Variants in CNTNAP3B observed in about 807,000 individuals in gnomAD.
CNTNAP3B encodes contactin-associated protein-like 3B.
Under a neutral mutation model 108.9 loss-of-function variants are expected in CNTNAP3B, and 25 were observed. The ratio of observed to expected loss-of-function variants is 0.23; its 90% CI spans 0.17 to 0.32. The LOEUF is 0.32. CNTNAP3B is among the 10% of genes least tolerant of loss of function. CNTNAP3B has a pLI of 1.00. For synonymous variants in CNTNAP3B, 103 were observed against 473.4 expected (o/e 0.22, Z 10.16); for missense variants, 252 against 1,210.4 (o/e 0.21, Z 11.75).
intron 3 of CNTNAP3B, among the ~76,000 whole-genome samples, chr9:42,071,383 A>G (rs1827376580): frequency 7.1e-6 from 1 of 140,412 alleles, no homozygotes; most frequent in East Asian, 2.1e-4. Context: ...AGCTAGTACA[A>G]AGGATGGATC....
intron 13 of CNTNAP3B, among the ~76,000 whole-genome samples, chr9:41,940,364 C>T (rs1824298202): frequency 6.6e-6 from 1 of 152,266 alleles, no homozygotes; most frequent in African/African-American, 2.4e-5. Flanking sequence ...TAACACATTA[C>T]CTGCCTGTAA....
chr9:42,070,445 C>G (rs1400257000), intron 3 of CNTNAP3B, among the ~76,000 whole-genome samples: 1 of 148,078 alleles, frequency 6.8e-6, no homozygotes, highest in Non-Finnish European at 1.5e-5. Flanking sequence ...TGGGCTGACA[C>G]CACACCTGGC....
At chr9:41,966,696 G>T (rs1258935038) in intron 10 of CNTNAP3B, among the ~76,000 whole-genome samples, 7 of 152,248 alleles carry the variant, frequency 4.6e-5, no homozygotes, top group Non-Finnish European at 8.8e-5. Context: ...GGCTGGGTGT[G>T]GTGGCTCACG....
At chr9:42,036,416 T>C (rs1411116910) in intron 3 of CNTNAP3B, among the ~76,000 whole-genome samples, 1 of 140,058 alleles carries the variant, frequency 7.1e-6, no homozygotes, top group Non-Finnish European at 1.5e-5. Flanking sequence ...TTAAATGATA[T>C]ATGTCATGGA....
chr9:41,954,616 T>C (rs1463219994), intron 12 of CNTNAP3B, among the ~76,000 whole-genome samples: 17 of 152,278 alleles, frequency 1.1e-4, no homozygotes, highest in Non-Finnish European at 2.4e-4. Flanking sequence ...TAAGTGTGCC[T>C]ATGGTAATTT....
chr9:41,960,175 T>A (rs576591108), intron 12 of CNTNAP3B: 22 of 158,464 alleles, frequency 1.4e-4, no homozygotes, highest in South Asian at 1.2e-3. Flanking sequence ...AATTTTTGTA[T>A]TTTTAGTAGA....
chr9:41,926,013 A>G (rs1257893719), intron 15 of CNTNAP3B, among the ~76,000 whole-genome samples: 2 of 151,678 alleles, frequency 1.3e-5, no homozygotes, highest in East Asian at 3.9e-4. Flanking sequence ...GTGTATTTGT[A>G]TCTCTCTCTC....
chr9:42,002,830 G>C (rs550993180), intron 4 of CNTNAP3B, among the ~76,000 whole-genome samples: 1 of 134,960 alleles, frequency 7.4e-6, no homozygotes, highest in Non-Finnish European at 1.6e-5. Context: ...GAAAAGCTAA[G>C]ACATAAGTAA....
intron 12 of CNTNAP3B, among the ~76,000 whole-genome samples, chr9:41,960,501 T>C (rs1825046430): frequency 6.6e-6 from 1 of 152,226 alleles, no homozygotes; most frequent in Admixed American, 6.5e-5. Context: ...CAGAGGTTTG[T>C]ATTTTATCAT....
At chr9:41,979,667 A>ATATAT (rs1554746617) in intron 9 of CNTNAP3B, 28 of 31,202 alleles carry the variant, frequency 9.0e-4, no homozygotes, top group South Asian at 2.7e-3. Flanking sequence ...ATATATATAT[A>ATATAT]TTTTTTTTTT....
chr9:42,078,690 AT>A (rs1827544115), intron 2 of CNTNAP3B, among the ~76,000 whole-genome samples: 1 of 121,274 alleles, frequency 8.2e-6, no homozygotes, highest in Non-Finnish European at 1.7e-5. Flanking sequence ...TCTGCTATAG[AT>A]CAGGGGCATC....
intron 13 of CNTNAP3B, among the ~76,000 whole-genome samples, chr9:41,943,664 A>T (rs1383416583): frequency 6.8e-6 from 1 of 147,336 alleles, no homozygotes; most frequent in Non-Finnish European, 1.5e-5. Context: ...CTGTTGGATA[A>T]ATTCAAACGG....
At position 42,114,811 on chromosome 9, in the gene CNTNAP3B, G is replaced by A. The variant is rs1469521218; in HGVS notation, c.86-10072C>T. ...GAAAGAATATTTACAGTGAGACTGG[G>A]CGCAGTGGTCAAGATGGGTGGATCA... On this transcript the variant is annotated intron_variant, in intron 1 of 23. Transcript: ENST00000377561. Among the ~76,000 whole-genome samples, 3 of 138,198 alleles carry A rather than the reference G, an allele frequency of 2.2e-5. No homozygotes were observed. In the Middle Eastern group the frequency reaches 0.011, roughly 487 times the overall value. The allele number at this position is 138,198 out of a possible 152,430, so 90.7% of individuals were successfully genotyped here.
intron 2 of CNTNAP3B, among the ~76,000 whole-genome samples, chr9:42,091,136 G>T (rs1827813955): frequency 3.8e-5 from 1 of 26,472 alleles, no homozygotes; most frequent in Non-Finnish European, 8.1e-5. Context: ...TCATACACTT[G>T]TGATGAACCT....
At position 42,026,726 on chromosome 9, in the gene CNTNAP3B, A is replaced by T. The variant is rs576906338; in HGVS notation, c.391-13201T>A. ...CTGCCAGCAACATTCTGGACTTCCC[A>T]TATTTTTCTGCCGTTAAAACCTATC... On this transcript the variant is annotated intron_variant, in intron 3 of 23. Transcript: ENST00000377561. 2.3e-5 allele frequency among the ~76,000 whole-genome samples: 3 copies of T among 129,904 alleles called. 1 individual carries two copies. Among genetic ancestry groups the T allele is most frequent in the African/African-American group, 6.3e-5 (2 of 31,710 alleles). 85.2% of individuals were successfully genotyped at this position (129,904 alleles called of 152,430 possible). A position where few individuals can be genotyped will look rare whatever the true frequency, so the allele number is the denominator to read the frequency against.
chr9:42,030,785 A>AGAGAGG (rs1564177840), intron 3 of CNTNAP3B, among the ~76,000 whole-genome samples: 1 of 42,822 alleles, frequency 2.3e-5, no homozygotes, highest in Non-Finnish European at 4.8e-5. Flanking sequence ...AGAGAGAGAG[A>AGAGAGG]TGTGTGCGAG....
At chr9:42,030,115 G>A (rs1243640483) in intron 3 of CNTNAP3B, among the ~76,000 whole-genome samples, 1 of 80,296 alleles carries the variant, frequency 1.2e-5, no homozygotes, top group Non-Finnish European at 2.3e-5. Flanking sequence ...CTGCACTCCA[G>A]CCTGGGCGAC....
chr9:41,926,794 A>T (rs1369000963), intron 15 of CNTNAP3B: 1 of 152,316 alleles, frequency 6.6e-6, no homozygotes, highest in East Asian at 1.9e-4. Context: ...AGTAGGATAT[A>T]AACTGAAGGT....
At chr9:42,078,314 C>T (rs1250604809) in intron 2 of CNTNAP3B, among the ~76,000 whole-genome samples, 1 of 117,902 alleles carries the variant, frequency 8.5e-6, no homozygotes, top group African/African-American at 3.4e-5. Context: ...AATTGATGAC[C>T]ACACTTAACT....
Sources: gnomAD v4.1 joint callset for allele counts (sites outside exome capture counted in the v4.1 genomes callset) on GRCh38, gnomAD v4.1.1 for gene constraint, MANE v1.5 for transcripts, NCBI Gene and HGNC (gene_info 2026-07-23, HGNC 2026-07-21) for gene names.